DLG5: variants seen among roughly 807,000 people sequenced by gnomAD.
The protein encoded by DLG5 is disks large homolog 5.
In DLG5, 48 loss-of-function variants were observed where a neutral mutation model predicts 189.8. The ratio of observed to expected loss-of-function variants is 0.25; its 90% CI spans 0.20 to 0.32. The LOEUF (loss-of-function observed/expected upper bound fraction) is 0.32. Ranked by LOEUF, DLG5 falls within the 10% of genes least tolerant of loss-of-function variation. The probability of loss-of-function intolerance (pLI) is 1.00; values close to 1 mark genes in which losing one functional copy is unlikely to be tolerated. For missense variants in DLG5, 2,160 were observed against 2,544.7 expected, an observed-to-expected ratio of 0.85 and a Z score of 3.25; for synonymous variants, 1,016 against 1,054.1, an observed-to-expected ratio of 0.96 and a Z score of 0.70.
intron 29 of DLG5, among the ~76,000 whole-genome samples, chr10:77,795,646 T>C (rs1311640667): frequency 6.6e-6 from 1 of 152,042 alleles, no homozygotes; most frequent in Non-Finnish European, 1.5e-5. Flanking sequence ...CCGAGAGTCA[T>C]AGCCCTTTTA....
intron 14 of DLG5, among the ~76,000 whole-genome samples, chr10:77,822,769 C>T (rs1842435704): frequency 6.6e-6 from 1 of 151,980 alleles, no homozygotes; most frequent in Admixed American, 6.6e-5. Context: ...TAAATTAGCA[C>T]TAAAAAGAAC....
the DLG5 span, among the ~76,000 whole-genome samples, chr10:77,935,098 C>T: frequency 2.0e-5 from 3 of 152,052 alleles, no homozygotes; most frequent in Admixed American, 1.3e-4. Context: ...CCTCGTGATC[C>T]GCCCGCCTCG....
intron 2 of DLG5, among the ~76,000 whole-genome samples, chr10:77,866,495 A>G (rs766981492): frequency 6.6e-6 from 1 of 152,242 alleles, no homozygotes; most frequent in East Asian, 1.9e-4. Flanking sequence ...TCCTTTGCTC[A>G]TAAGAACCCC....
intron 1 of DLG5, among the ~76,000 whole-genome samples, chr10:77,874,557 A>T (rs1001270794): frequency 6.6e-6 from 1 of 152,220 alleles, no homozygotes; most frequent in African/African-American, 2.4e-5. Flanking sequence ...CAAAGGAAAA[A>T]CAAAATTATC....
At position 77,842,159 on chromosome 10, in the gene DLG5, T is replaced by C. The variant is rs1268342156; in HGVS notation, c.1159A>G (p.Thr387Ala). 2 of 1,607,268 alleles carry C rather than the reference T, an allele frequency of 1.2e-6. No individual in the cohort carries two copies. Among genetic ancestry groups the C allele is most frequent in the Non-Finnish European group, 1.7e-6 (2 of 1,180,004 alleles). Residue 387 changes from threonine to alanine, a missense_variant, in exon 7 of 32, where the codon ACG becomes GCG. By Grantham distance (58) the Thr-to-Ala change is moderately conservative. Around this residue, in one of 5 missense-constraint regions of DLG5, gnomAD observed 664 missense variants for 838.5 expected, o/e 0.79. Coordinates refer to ENST00000372391, the MANE Select transcript of DLG5 (RefSeq NM_004747.4). The stretch of plus-strand genomic sequence containing the variant: ...CACTGCAGGTCCTTGTTCTGCGCCG[T>C]GGCCTTGTTCAGCTCATGGTGGATC... Reference protein sequence around the residue: ...EAIHHELNKATAQNKDLQWEM... With the variant: ...EAIHHELNKAAAQNKDLQWEM...
chr10:77,876,169 C>CT (rs1351476414), intron 1 of DLG5, among the ~76,000 whole-genome samples: 1 of 150,318 alleles, frequency 6.7e-6, no homozygotes, highest in Non-Finnish European at 1.5e-5. Flanking sequence ...CATCACTGCG[C>CT]TAAAAAAAAA....
chr10:77,879,172 G>A (rs533079792), intron 1 of DLG5, among the ~76,000 whole-genome samples: 3 of 152,166 alleles, frequency 2.0e-5, no homozygotes, highest in African/African-American at 4.8e-5. Flanking sequence ...ATTGTACAGC[G>A]GTGGCAGGGG....
intron 1 of DLG5, among the ~76,000 whole-genome samples, chr10:77,917,153 G>A (rs1469964170): frequency 6.6e-6 from 1 of 151,644 alleles, no homozygotes; most frequent in Non-Finnish European, 1.5e-5. Context: ...TGGGCAACAT[G>A]GCAAAGCCCC....
At chr10:77,820,832 A>G in intron 15 of DLG5, 2 of 512,572 alleles carry the variant, frequency 3.9e-6, no homozygotes, top group East Asian at 6.0e-5. Context: ...GCTTCTTATT[A>G]AAAAAGCAAA....
At chr10:77,799,989 C>T (rs965889021) in intron 27 of DLG5, among the ~76,000 whole-genome samples, 1 of 152,152 alleles carries the variant, frequency 6.6e-6, no homozygotes, top group Admixed American at 6.5e-5. Flanking sequence ...GAGACACTCC[C>T]GCACAAGCCC....
chr10:77,888,464 G>C (rs1002485073), intron 1 of DLG5, among the ~76,000 whole-genome samples: 1 of 152,228 alleles, frequency 6.6e-6, no homozygotes, highest in African/African-American at 2.4e-5. Context: ...GAAGACAGCA[G>C]AATTCCCATA....
chr10:77,820,410 C>G (rs559131566), intron 15 of DLG5: 1 of 167,176 alleles, frequency 6.0e-6, no homozygotes. Context: ...CCAGTTTCTG[C>G]CCCCCAGGAA....
intron 7 of DLG5, among the ~76,000 whole-genome samples, chr10:77,841,578 A>G (rs1843418026): frequency 6.6e-6 from 1 of 152,196 alleles, no homozygotes; most frequent in Non-Finnish European, 1.5e-5. Context: ...TGACTTCAGC[A>G]TGGGACTGAT....
intron 1 of DLG5, among the ~76,000 whole-genome samples, chr10:77,880,960 AC>A (rs1845260312): frequency 3.0e-5 from 3 of 101,396 alleles, no homozygotes; most frequent in Non-Finnish European, 4.0e-5. Flanking sequence ...CTAACCCTAG[AC>A]CTTTTTTTTT....
At chr10:77,875,244 C>CA (rs1845047050) in intron 1 of DLG5, among the ~76,000 whole-genome samples, 1 of 152,206 alleles carries the variant, frequency 6.6e-6, no homozygotes, top group Non-Finnish European at 1.5e-5. Flanking sequence ...GAGAGGACTT[C>CA]ATGGAGGCAG....
chr10:77,891,937 C>T (rs1225236294), intron 1 of DLG5, among the ~76,000 whole-genome samples: 1 of 152,224 alleles, frequency 6.6e-6, no homozygotes, highest in Non-Finnish European at 1.5e-5. Context: ...CTGTCCCCAG[C>T]CCTGCCCCTC....
rs867451331 is a variant in DLG5 at position 77,888,638 on chromosome 10, A to G, written c.305-19441T>C. Among the ~76,000 whole-genome samples, 8 of 152,278 alleles carry G rather than the reference A, an allele frequency of 5.3e-5. No individual in the cohort carries two copies. The Middle Eastern group carries it at 0.014, about 261-fold the overall frequency. On this transcript the variant is annotated intron_variant, in intron 1 of 31. Transcript: ENST00000372391. ...ACTGGAGCCTCTTAAGATAGTCTCA[A>G]AAGACAGATAGGAATGCGCCCAAAT...
intron 1 of DLG5, among the ~76,000 whole-genome samples, chr10:77,871,435 A>G (rs1223734316): frequency 6.7e-6 from 1 of 150,318 alleles, no homozygotes; most frequent in East Asian, 1.9e-4. Context: ...TGAATAACCC[A>G]TGCTCCACCT....
At chr10:77,899,594 A>G (rs1387697040) in intron 1 of DLG5, among the ~76,000 whole-genome samples, 2 of 152,190 alleles carry the variant, frequency 1.3e-5, no homozygotes, top group Non-Finnish European at 2.9e-5. Context: ...ACTACAATGC[A>G]CAGTTCCACA....
Sources: allele counts gnomAD v4.1 joint callset (sites outside exome capture counted in the v4.1 genomes callset), GRCh38; gene constraint gnomAD v4.1.1; regional missense constraint gnomAD v4.1.1; transcripts MANE v1.5; gene names NCBI Gene and HGNC (gene_info 2026-07-23, HGNC 2026-07-21).